Variants in HIC2 observed in about 807,000 individuals in gnomAD.
The protein encoded by HIC2 is hypermethylated in cancer 2 protein.
Under a neutral mutation model 39.5 loss-of-function variants are expected in HIC2, and 2 were observed. The observed-to-expected ratio is 0.05, with a 90% CI of 0.02 to 0.16. The LOEUF (loss-of-function observed/expected upper bound fraction) is 0.16, where lower values mean the gene tolerates loss of function less well. Among genes scored for constraint, HIC2 ranks in the 10% least tolerant of loss-of-function variants. The pLI is 1.00. For synonymous variants in HIC2, 399 were observed against 368.8 expected (o/e 1.08, Z -0.94); for missense variants, 713 against 863.5 (o/e 0.83, Z 2.18).
In HIC2 at chr22:21,447,588, A is replaced by T. The variant is rs1162148280; in HGVS notation, c.*845A>T. ...CCCTGAGCCCTGCCTCGGCTGCCTC[A>T]GGGGAGAGTGCTTTTCCTGTAGTTT... is the stretch of plus-strand genomic sequence containing the variant. On this transcript the variant is annotated 3_prime_UTR_variant, in exon 3 of 3. Coordinates refer to ENST00000407464, the MANE Select transcript of HIC2 (RefSeq NM_015094.3). 3.3e-5 allele frequency: 5 copies of T among 152,120 alleles called. No homozygotes were observed. The highest frequency in any genetic ancestry group is 1.2e-4 in the African/African-American group (5 of 41,240). The allele number at this position is 152,120 out of a possible 1,614,324, so 9.4% of individuals were successfully genotyped here. A position where few individuals can be genotyped will look rare whatever the true frequency, so the allele number is the denominator to read the frequency against.
At chr22:21,432,304 C>T (rs1376803883) in intron 1 of HIC2, among the ~76,000 whole-genome samples, 1 of 89,158 alleles carries the variant, frequency 1.1e-5, no homozygotes, top group Non-Finnish European at 2.2e-5. Context: ...CTGTTTGAAC[C>T]TCGCTTGCCG....
chr22:21,447,409 T>A lies in HIC2; in HGVS notation c.*666T>A, dbSNP rs1923915843. ...AAAACAGACAATAGCTTATTTTCTT[T>A]CCGCCCCCTCCGGGGCTGAGCCTGG... On this transcript the variant is annotated 3_prime_UTR_variant, in exon 3 of 3. Transcript: ENST00000407464. The A allele has an allele frequency of 6.5e-6, 1 of 152,776 alleles. No homozygotes were observed. Among genetic ancestry groups the A allele is most frequent in the African/African-American group, 2.4e-5 (1 of 41,456 alleles). The allele number at this position is 152,776 out of a possible 1,614,324, so 9.5% of individuals were successfully genotyped here.
Position 21,445,899 on chromosome 22 carries a change from G to T in HIC2, c.1004G>T (p.Arg335Leu), listed in dbSNP as rs777091963. The T allele has an allele frequency of 6.2e-7, 1 of 1,601,008 alleles. No individual in the cohort carries two copies. Among genetic ancestry groups the T allele is most frequent in the Admixed American group, 1.7e-5 (1 of 57,270 alleles). The change falls in exon 3 of 3, where the codon CGG becomes CTG. Residue 335 changes from arginine (R) to leucine (L), a missense_variant. Physicochemically the swap from Arg to Leu is moderately radical, Grantham distance 102. This residue lies in a region of HIC2 where 457 missense variants were observed against 420.2 expected (regional missense o/e 1.09). Transcript: ENST00000407464. ...QPRKSLRHST[R>L]KKEWGKKEPV... ...CGGAAGAGCCTCCGGCACTCCACTC[G>T]GAAGAAGGAGTGGGGCAAGAAGGAG...
At chr22:21,432,647 G>T (rs1260136148) in intron 1 of HIC2, among the ~76,000 whole-genome samples, 1 of 136,492 alleles carries the variant, frequency 7.3e-6, no homozygotes, top group Admixed American at 7.1e-5. Context: ...TGGCACTCTA[G>T]CCTGGGCAAC....
Position 21,446,445 on chromosome 22 carries a change from C to T in HIC2, c.1550C>T (p.Pro517Leu), listed in dbSNP as rs538630603. 5.6e-6 allele frequency: 9 copies of T among 1,612,264 alleles called. No homozygotes were observed. The South Asian group carries it at 6.6e-5, about 12-fold the overall frequency. ...GTCTGCGAGAAGACCTACAAGGACC[C>T]AGCCACGCTGCGGCAGCACGAGAAG... ...CSVCEKTYKD[P>L]ATLRQHEKTH... The change falls in exon 3 of 3, where the codon CCA becomes CTA. Residue 517 changes from proline to leucine, a missense_variant. Pro to Leu is a moderately conservative substitution (Grantham distance 98). Transcript: ENST00000407464.
intron 2 of HIC2, among the ~76,000 whole-genome samples, chr22:21,444,319 G>A (rs572532060): frequency 6.6e-6 from 1 of 152,234 alleles, no homozygotes; most frequent in East Asian, 1.9e-4. Context: ...AGCACTTGGC[G>A]CCCGCCCAGA....
chr22:21,418,198 AAG>A (rs1922964186), intron 1 of HIC2, among the ~76,000 whole-genome samples: 3 of 120,836 alleles, frequency 2.5e-5, no homozygotes, highest in African/African-American at 8.9e-5. Flanking sequence ...GCTTGGCAGG[AAG>A]AGAGATGGGC....
intron 1 of HIC2, among the ~76,000 whole-genome samples, chr22:21,436,256 CCT>C (rs1420074898): frequency 3.6e-5 from 5 of 137,508 alleles, no homozygotes; most frequent in Non-Finnish European, 7.9e-5. Context: ...GTCCAGCTCT[CCT>C]CTCAGCAGCC....
intron 1 of HIC2, among the ~76,000 whole-genome samples, chr22:21,420,230 CCTT>C (rs1233795359): frequency 7.8e-5 from 9 of 115,340 alleles, no homozygotes; most frequent in Middle Eastern, 6.9e-3. Context: ...TGGGTTCCTC[CCTT>C]CTTGTCTCCT....
rs1341730829 is a variant in HIC2, at chr22:21,449,839, G to C, written c.*3096G>C. 6.5e-6 allele frequency: 1 copy of C among 152,764 alleles called. No homozygotes were observed. Among genetic ancestry groups the C allele is most frequent in the Non-Finnish European group, 1.5e-5 (1 of 68,106 alleles). The allele number at this position is 152,764 out of a possible 1,614,324, so 9.5% of individuals were successfully genotyped here. On this transcript the variant is annotated 3_prime_UTR_variant, in exon 3 of 3. Coordinates refer to ENST00000407464, the MANE Select transcript of HIC2 (RefSeq NM_015094.3). Reference sequence around the variant, plus strand: ...GGTCCTGACCAGCTAGCCTACGCGGGGATGGCCGTCAGTTCTGGCCACAGG... The same window carrying C: ...GGTCCTGACCAGCTAGCCTACGCGGCGATGGCCGTCAGTTCTGGCCACAGG...
Position 21,445,541 on chromosome 22 carries a change from C to G in HIC2, c.646C>G (p.Arg216Gly), listed in dbSNP as rs758802668. Reference protein sequence around the residue: ...SNQDSVQGLGRAVCPAGGEAG... With the variant: ...SNQDSVQGLGGAVCPAGGEAG... ...CCAGGATAGCGTGCAAGGTCTGGGC[C>G]GGGCTGTCTGCCCAGCTGGCGGGGA... Residue 216 changes from arginine to glycine, a missense_variant, in exon 3 of 3, where the codon CGG becomes GGG. Coordinates refer to ENST00000407464, the MANE Select transcript of HIC2 (RefSeq NM_015094.3). 6.2e-7 allele frequency: 1 copy of G among 1,600,794 alleles called. No individual in the cohort carries two copies. Among genetic ancestry groups the G allele is most frequent in the African/African-American group, 1.3e-5 (1 of 74,260 alleles).
chr22:21,446,869 G>GC lies in HIC2; in HGVS notation c.*131dup. ...GTGGAGGCTCCGGGTGGCCCCTCTGGCCCCCACTGCCCACACCCAGAGCTT... is the reference window on the plus strand; with the variant it reads ...GTGGAGGCTCCGGGTGGCCCCTCTGGCCCCCCACTGCCCACACCCAGAGCTT... On this transcript the variant is annotated 3_prime_UTR_variant, in exon 3 of 3. Coordinates refer to ENST00000407464, the MANE Select transcript of HIC2 (RefSeq NM_015094.3). 1 of 1,262,780 alleles carries GC rather than the reference G, an allele frequency of 7.9e-7. No individual in the cohort carries two copies. The highest frequency in any genetic ancestry group is 1.5e-5 in the African/African-American group (1 of 66,100). The allele number at this position is 1,262,780 out of a possible 1,614,324, so 78.2% of individuals were successfully genotyped here.
In HIC2 at chr22:21,446,731, C is replaced by T. The variant is rs1485001255; in HGVS notation, c.1836C>T (p.Thr612=). The stretch of plus-strand genomic sequence containing the variant: ...TCATCAGCCACCTGCGCATGCACAC[C>T]TCCCCCTCCTAGAAGCCAAAGACCC... The part of the protein sequence containing the change: ...RNLISHLRMH[T]SPS The change falls in exon 3 of 3, where the codon ACC becomes ACT. Residue 612 remains threonine (T), a synonymous_variant. Transcript: ENST00000407464. The T allele has an allele frequency of 5.0e-6, 8 of 1,599,168 alleles. No individual in the cohort carries two copies. Among genetic ancestry groups the T allele is most frequent in the South Asian group, 1.1e-5 (1 of 90,068 alleles).
At position 21,446,860 on chromosome 22, in the gene HIC2, G is replaced by A; in HGVS notation, c.*117G>A. ...CTGGGTCCAGTGGAGGCTCCGGGTGGCCCCTCTGGCCCCCACTGCCCACAC... is the reference window on the plus strand; with the variant it reads ...CTGGGTCCAGTGGAGGCTCCGGGTGACCCCTCTGGCCCCCACTGCCCACAC... On this transcript the variant is annotated 3_prime_UTR_variant, in exon 3 of 3. Transcript: ENST00000407464. 7.4e-7 allele frequency: 1 copy of A among 1,350,508 alleles called. No individual in the cohort carries two copies. The highest frequency in any genetic ancestry group is 9.9e-7 in the Non-Finnish European group (1 of 1,013,938). The allele number at this position is 1,350,508 out of a possible 1,614,324, so 83.7% of individuals were successfully genotyped here. A position where few individuals can be genotyped will look rare whatever the true frequency, so the allele number is the denominator to read the frequency against.
rs754328324 is a variant in HIC2 at position 21,445,402 on chromosome 22, T to C, written c.507T>C (p.Ser169=). 94 of 1,537,144 alleles carry C rather than the reference T, an allele frequency of 6.1e-5. No individual in the cohort carries two copies. Among genetic ancestry groups the C allele is most frequent in the Middle Eastern group, 5.3e-4 (3 of 5,676 alleles). ...PPRSQRLSTA[S]VIQARYQGLV... is the part of the protein sequence containing the mutation. ...GCAGCCAGCGGCTGTCCACGGCCTC[T>C]GTCATCCAAGCTCGGTATCAGGGGC... The change falls in exon 3 of 3, where the codon TCT becomes TCC. Residue 169 remains serine (S), a synonymous_variant. Transcript: ENST00000407464.
chr22:21,445,809 C>T lies in HIC2; in HGVS notation c.914C>T (p.Pro305Leu), dbSNP rs772627229. The T allele has an allele frequency of 1.9e-5, 30 of 1,593,596 alleles. No individual in the cohort carries two copies. In the East Asian group the frequency reaches 6.3e-4, roughly 33 times the overall value. The change falls in exon 3 of 3, where the codon CCC becomes CTC. Residue 305 changes from proline to leucine, a missense_variant. Around this residue, in one of 5 missense-constraint regions of HIC2, gnomAD observed 457 missense variants for 420.2 expected, o/e 1.09. Transcript: ENST00000407464. ...GAGCTGGGGGGCACCCCTGATGAGC[C>T]CATGGATCTGGAGGGGGCCGAGGAC... ...YSELGGTPDE[P>L]MDLEGAEDNH... is the part of the protein sequence containing the mutation.
At position 21,445,642 on chromosome 22, in the gene HIC2, G is replaced by A. The variant is rs1221808815; in HGVS notation, c.747G>A (p.Leu249=). Residue 249 remains leucine, a synonymous_variant, in exon 3 of 3, where the codon CTG becomes CTA. Transcript: ENST00000407464. ...GGCEQELGLD[L]SKKSPPLPPA... ...GCGAGCAGGAGCTGGGCTTGGACCT[G>A]TCCAAGAAAAGCCCACCCTTGCCCC... 1 of 1,598,756 alleles carries A rather than the reference G, an allele frequency of 6.3e-7. No individual in the cohort carries two copies.
intron 2 of HIC2, 135 bp from the exon 3 acceptor site, chr22:21,444,787 A>T: frequency 1.1e-6 from 1 of 885,472 alleles, no homozygotes; most frequent in African/African-American, 1.7e-5. Context: ...TGTGCCGTGT[A>T]CTGTGCCGCA....
At position 21,417,376 on chromosome 22, in the gene HIC2, C is replaced by T. The variant is rs1333496473; in HGVS notation, c.-258C>T. On this transcript the variant is annotated 5_prime_UTR_variant, in exon 1 of 3. Transcript: ENST00000407464. ...GAGCGGGCGGCGCCGACGTCACAAG[C>T]TTCCAAGATGGCGCTGGGCGGGCGG... The T allele has an allele frequency of 2.0e-5, 3 of 149,832 alleles. No individual in the cohort carries two copies. The highest frequency in any genetic ancestry group is 3.0e-5 in the Non-Finnish European group (2 of 66,598). The allele number at this position is 149,832 out of a possible 1,614,324, so 9.3% of individuals were successfully genotyped here.
Sources: gnomAD v4.1 joint callset for allele counts (sites outside exome capture counted in the v4.1 genomes callset) on GRCh38, gnomAD v4.1.1 for gene constraint, gnomAD v4.1.1 regional missense constraint, MANE v1.5 for transcripts, NCBI Gene and HGNC (gene_info 2026-07-23, HGNC 2026-07-21) for gene names.